SLCO4A1: variants seen among roughly 807,000 people sequenced by gnomAD.
The protein encoded by SLCO4A1 is solute carrier organic anion transporter family member 4A1, also known as colon organic anion transporter.
SLCO4A1 carries 51 observed loss-of-function variants against 64.6 expected under a neutral mutation model. That is an observed-to-expected ratio of 0.79 (90% CI 0.63 to 1.00). SLCO4A1 has a LOEUF of 1.00. SLCO4A1 is among the 50% of genes least tolerant of loss of function. SLCO4A1 has a pLI of 0.00. For synonymous variants in SLCO4A1, 471 were observed against 444.9 expected (o/e 1.06, Z -0.74); for missense variants, 919 against 980.5 (o/e 0.94, Z 0.84).
chr20:62,647,796 T>C (rs111291819), intron 1 of SLCO4A1, among the ~76,000 whole-genome samples: 2,696 of 152,294 alleles, frequency 0.018, 86 homozygotes, highest in African/African-American at 0.062. Context: ...TCCCACAGTC[T>C]GGGCTGTGCC....
intron 1 of SLCO4A1, chr20:62,643,074 G>T (rs530279497): frequency 2.1e-6 from 1 of 469,240 alleles, no homozygotes; most frequent in Admixed American, 2.4e-5. Context: ...GTTTCTCGGG[G>T]GCGGCCGGGC....
In SLCO4A1 at chr20:62,656,868, C is replaced by T. The variant is rs1452844640; in HGVS notation, c.414C>T (p.His138=). 1 of 1,592,674 alleles carries T rather than the reference C, an allele frequency of 6.3e-7. No individual in the cohort carries two copies. Residue 138 remains histidine, a synonymous_variant, in exon 2 of 12, where the codon CAC becomes CAT. Coordinates refer to ENST00000217159, the MANE Select transcript of SLCO4A1 (RefSeq NM_016354.4). ...CCCTGGAGCGCCGCTATGACCTGCACAGCTACCAGAGCGGGCTCATCGCCA... is the reference window on the plus strand; with the variant it reads ...CCCTGGAGCGCCGCTATGACCTGCATAGCTACCAGAGCGGGCTCATCGCCA... ...ITSLERRYDL[H]SYQSGLIASS...
At chr20:62,657,371 C>T (rs986091099) in intron 2 of SLCO4A1, 121 bp downstream of exon 2, 3 of 957,150 alleles carry the variant, frequency 3.1e-6, no homozygotes, top group African/African-American at 1.7e-5. Flanking sequence ...GTCTGCATGG[C>T]CCTGGGGCTG....
At chr20:62,648,639 G>C (rs1457882741) in intron 1 of SLCO4A1, among the ~76,000 whole-genome samples, 2 of 152,242 alleles carry the variant, frequency 1.3e-5, no homozygotes, top group Admixed American at 1.3e-4. Flanking sequence ...TGATGGGGCA[G>C]ATTTCAGTAA....
chr20:62,680,268 G>A (rs1360327709), intron 2 of SLCO4A1, among the ~76,000 whole-genome samples: 1 of 152,158 alleles, frequency 6.6e-6, no homozygotes, highest in East Asian at 1.9e-4. Flanking sequence ...AGATGCCATG[G>A]GATTTCTACA....
chr20:62,687,146 ACCCCCAAACAGGAGCGATGGAAAGGGCG>A (rs879684552), downstream of SLCO4A1, among the ~76,000 whole-genome samples: 1,608 of 145,010 alleles, frequency 0.011, 21 homozygotes, highest in African/African-American at 0.029. Flanking sequence ...TGGGTGGGGC[ACCCCCAAACAGGAGCGATGGAAAGGGCG>A]CCCCCAAACA....
chr20:62,682,439 G>A (rs1987875361), intron 2 of SLCO4A1, among the ~76,000 whole-genome samples: 1 of 152,332 alleles, frequency 6.6e-6, no homozygotes, highest in Non-Finnish European at 1.5e-5. Flanking sequence ...CCATGCATTT[G>A]GACACATGAG....
downstream of SLCO4A1, among the ~76,000 whole-genome samples, chr20:62,689,999 TG>T (rs1988178102): frequency 1.3e-5 from 2 of 152,192 alleles, no homozygotes; most frequent in Non-Finnish European, 2.9e-5. Flanking sequence ...CCTGTTCACA[TG>T]GGCTTCCCTG....
At chr20:62,650,065 G>T (rs1290589979) in intron 1 of SLCO4A1, 1 of 152,228 alleles carries the variant, frequency 6.6e-6, no homozygotes, top group African/African-American at 2.4e-5. Flanking sequence ...GAAGCTGAGG[G>T]TGTGGATCGG....
At chr20:62,673,229 C>T (rs774241736), downstream of SLCO4A1, among the ~76,000 whole-genome samples, 16 of 142,066 alleles carry the variant, frequency 1.1e-4, 2 homozygotes, top group South Asian at 2.2e-4. Flanking sequence ...AGAAACTTCC[C>T]GAGGGAGGTG....
In SLCO4A1 at chr20:62,656,603, G is replaced by A; in HGVS notation, c.149G>A (p.Ser50Asn). ...SPGSLRSAAH[S>N]PLDTSKQPLC... ...GGCTCCCTCCGCTCCGCTGCCCATAGCCCCCTGGACACCAGCAAGCAGCCC... is the reference window on the plus strand; with the variant it reads ...GGCTCCCTCCGCTCCGCTGCCCATAACCCCCTGGACACCAGCAAGCAGCCC... The change falls in exon 2 of 12, where the codon AGC becomes AAC. Residue 50 changes from serine (S) to asparagine (N), a missense_variant. By Grantham distance (46) the Ser-to-Asn change is conservative (BLOSUM62 1). Transcript: ENST00000217159. The A allele has an allele frequency of 3.1e-6, 5 of 1,598,710 alleles. No homozygotes were observed. The highest frequency in any genetic ancestry group is 3.4e-6 in the Non-Finnish European group (4 of 1,174,810).
At position 62,672,192 on chromosome 20, in the gene SLCO4A1, G is replaced by A; in HGVS notation, c.*299G>A. ...CGTGAGGACAAACTCCGCAGGGGCT[G>A]TGAATCCCACTGGGAGGGCGGTGGG... is the stretch of plus-strand genomic sequence containing the variant. On this transcript the variant is annotated 3_prime_UTR_variant, in exon 12 of 12. Coordinates refer to ENST00000217159, the MANE Select transcript of SLCO4A1 (RefSeq NM_016354.4). 7.7e-7 allele frequency: 1 copy of A among 1,304,870 alleles called. No homozygotes were observed. The highest frequency in any genetic ancestry group is 1.5e-5 in the African/African-American group (1 of 67,088). The allele number at this position is 1,304,870 out of a possible 1,614,324, so 80.8% of individuals were successfully genotyped here.
downstream of SLCO4A1, among the ~76,000 whole-genome samples, chr20:62,689,912 G>C (rs948574762): frequency 3.9e-5 from 6 of 152,202 alleles, no homozygotes; most frequent in Non-Finnish European, 5.9e-5. Flanking sequence ...TGAAAGGGGT[G>C]GAGCAGATGC....
chr20:62,666,377 C>G lies in SLCO4A1; in HGVS notation c.1277-3C>G, dbSNP rs759503035. ...CCCTGGCTGAATCCCTCCCTCTCCC[C>G]AGGGTACCTGGTGGTGCCAGCGGGT... On this transcript the variant is annotated splice_region_variant and splice_polypyrimidine_tract_variant and intron_variant, in intron 6 of 11. Transcript: ENST00000217159. 2 of 1,612,316 alleles carry G rather than the reference C, an allele frequency of 1.2e-6. No homozygotes were observed. The highest frequency in any genetic ancestry group is 2.2e-5 in the South Asian group (2 of 91,036).
intron 2 of SLCO4A1, among the ~76,000 whole-genome samples, chr20:62,658,066 G>A (rs989385602): frequency 6.6e-6 from 1 of 152,164 alleles, no homozygotes; most frequent in African/African-American, 2.4e-5. Context: ...CCACTTCTCG[G>A]CGTCCCCCTG....
chr20:62,666,190 G>A (rs1230763931), intron 6 of SLCO4A1, among the ~76,000 whole-genome samples, 190 bp from the exon 7 acceptor site: 1 of 134,638 alleles, frequency 7.4e-6, no homozygotes, highest in Non-Finnish European at 1.6e-5. Context: ...CTGGACAGAG[G>A]TCCCTCCTAG....
chr20:62,690,534 A>T (rs1209362300), downstream of SLCO4A1, among the ~76,000 whole-genome samples: 1 of 152,162 alleles, frequency 6.6e-6, no homozygotes, highest in East Asian at 1.9e-4. Context: ...CAGATTTACC[A>T]TTCATTTTAC....
In SLCO4A1 at chr20:62,661,072, C is replaced by A. The variant is rs754650367; in HGVS notation, c.1018C>A (p.Arg340Ser). Residue 340 changes from arginine to serine, a missense_variant, in exon 5 of 12, where the codon CGC becomes AGC. Physicochemically the swap from Arg to Ser is moderately radical, Grantham distance 110. Transcript: ENST00000217159. The surrounding 1 kb of genome is among the most constrained non-coding windows in gnomAD (Gnocchi z 5.2). ...ACTCTGTGCCCTTCCAGGCTCCCAGCGCTACGCGGTCATGAGAGCGGCGGA... is the reference window on the plus strand; with the variant it reads ...ACTCTGTGCCCTTCCAGGCTCCCAGAGCTACGCGGTCATGAGAGCGGCGGA... ...GYPRQLPGSQRYAVMRAAEMH... is the reference protein window; with the variant it reads ...GYPRQLPGSQSYAVMRAAEMH... 1 of 1,581,694 alleles carries A rather than the reference C, an allele frequency of 6.3e-7. No individual in the cohort carries two copies. The highest frequency in any genetic ancestry group is 8.6e-7 in the Non-Finnish European group (1 of 1,157,984).
intron 1 of SLCO4A1, among the ~76,000 whole-genome samples, chr20:62,655,328 CTGTAT>C (rs1284723316): frequency 7.3e-6 from 1 of 136,934 alleles, no homozygotes; most frequent in African/African-American, 2.7e-5. Context: ...CACAGGTGTT[CTGTAT>C]CACAGCAGCC....
Sources: gnomAD v4.1 joint callset for allele counts (sites outside exome capture counted in the v4.1 genomes callset) on GRCh38, gnomAD v4.1.1 for gene constraint, Gnocchi (gnomAD v3.1) non-coding constraint, MANE v1.5 for transcripts, NCBI Gene and HGNC (gene_info 2026-07-23, HGNC 2026-07-21) for gene names.